Variants in GALNT13 observed in about 807,000 individuals in gnomAD.
GALNT13 encodes polypeptide N-acetylgalactosaminyltransferase 13.
GALNT13 carries 28 observed loss-of-function variants against 64.2 expected under a neutral mutation model. The ratio of observed to expected loss-of-function variants is 0.44; its 90% CI spans 0.32 to 0.60. The LOEUF is 0.60. Among genes scored for constraint, GALNT13 ranks in the 20% least tolerant of loss-of-function variants. GALNT13 has a pLI of 0.05. For synonymous variants in GALNT13, 214 were observed against 224.6 expected (o/e 0.95, Z 0.42); for missense variants, 577 against 669.8 (o/e 0.86, Z 1.53).
chr2:154,238,779 A>T (rs10189616), intron 4 of GALNT13, among the ~76,000 whole-genome samples: 316 of 152,124 alleles, frequency 2.1e-3, no homozygotes, highest in Middle Eastern at 0.017. Flanking sequence ...ATACACATAA[A>T]CATTGTGAAA....
chr2:154,068,527 C>A (rs1227777382), intron 3 of GALNT13, among the ~76,000 whole-genome samples: 2 of 144,434 alleles, frequency 1.4e-5, no homozygotes, highest in Non-Finnish European at 3.2e-5. Flanking sequence ...GAGTAATATT[C>A]ATCCATAAAA....
At chr2:154,290,709 A>G (rs1014609679) in intron 8 of GALNT13, among the ~76,000 whole-genome samples, 1 of 152,192 alleles carries the variant, frequency 6.6e-6, no homozygotes, top group African/African-American at 2.4e-5. Context: ...ACTGACTTCA[A>G]AAATGAAGCT....
At chr2:154,409,179 T>G (rs1221911674) in intron 11 of GALNT13, 97 bp downstream of exon 11, 1 of 790,750 alleles carries the variant, frequency 1.3e-6, no homozygotes, top group African/African-American at 1.7e-5. Flanking sequence ...AACTATAAAC[T>G]GAGCTTAATA....
chr2:153,764,282 A>C, the GALNT13 span, among the ~76,000 whole-genome samples: 1 of 152,180 alleles, frequency 6.6e-6, no homozygotes, highest in African/African-American at 2.4e-5. Flanking sequence ...CACACCTGTA[A>C]TCCCAGCACT....
intron 3 of GALNT13, among the ~76,000 whole-genome samples, chr2:154,080,477 T>A (rs763878912): frequency 6.6e-6 from 1 of 151,628 alleles, no homozygotes; most frequent in Admixed American, 6.6e-5. Context: ...TCTGTAAATA[T>A]GATTAAATTC....
At chr2:154,405,096 A>G (rs1253495062) in intron 10 of GALNT13, among the ~76,000 whole-genome samples, 2 of 152,172 alleles carry the variant, frequency 1.3e-5, no homozygotes, top group Non-Finnish European at 2.9e-5. Flanking sequence ...CTCATAAGAC[A>G]GAGGAAAAGT....
the GALNT13 span, among the ~76,000 whole-genome samples, chr2:153,120,314 C>T: frequency 6.6e-6 from 1 of 152,178 alleles, no homozygotes; most frequent in South Asian, 2.1e-4. Context: ...AAGTCTTCCC[C>T]TCAAATATGC....
the GALNT13 span, among the ~76,000 whole-genome samples, chr2:153,635,021 A>G: frequency 6.6e-6 from 1 of 152,122 alleles, no homozygotes; most frequent in African/African-American, 2.4e-5. Context: ...AAGCAGAGTG[A>G]TTTTAGAAAG....
At chr2:153,813,239 G>C in the GALNT13 span, among the ~76,000 whole-genome samples, 1 of 152,300 alleles carries the variant, frequency 6.6e-6, no homozygotes, top group African/African-American at 2.4e-5. Flanking sequence ...GTTTGGGGAA[G>C]AGTGAACGAG....
chr2:153,125,360 A>G, the GALNT13 span, among the ~76,000 whole-genome samples: 1 of 136,278 alleles, frequency 7.3e-6, no homozygotes, highest in Admixed American at 7.6e-5. Flanking sequence ...AGTAACCATT[A>G]CTGAACTGAT....
chr2:153,627,893 C>A, the GALNT13 span, among the ~76,000 whole-genome samples: 3 of 152,008 alleles, frequency 2.0e-5, no homozygotes, highest in Non-Finnish European at 4.4e-5. Flanking sequence ...TGAAGAAGGT[C>A]ATTGGTAGCT....
chr2:153,164,132 C>A, the GALNT13 span, among the ~76,000 whole-genome samples: 1 of 151,196 alleles, frequency 6.6e-6, no homozygotes, highest in African/African-American at 2.4e-5. Context: ...AGTTTTATTT[C>A]TTATTTATTT....
intron 12 of GALNT13, among the ~76,000 whole-genome samples, chr2:154,444,638 A>T (rs560401069): frequency 1.3e-5 from 2 of 152,206 alleles, no homozygotes; most frequent in Admixed American, 6.6e-5. Flanking sequence ...TTGACCTTGC[A>T]ATTTCACTTC....
At chr2:153,533,107 C>T in the GALNT13 span, among the ~76,000 whole-genome samples, 1 of 152,076 alleles carries the variant, frequency 6.6e-6, no homozygotes, top group East Asian at 1.9e-4. Context: ...ATTTTTGTTA[C>T]TCCAAAGGTA....
intron 1 of GALNT13, among the ~76,000 whole-genome samples, chr2:153,875,423 C>T (rs1553449336): frequency 3.3e-5 from 5 of 152,016 alleles, no homozygotes; most frequent in Non-Finnish European, 7.4e-5. Flanking sequence ...GTTTGAGAGA[C>T]CTTCTATTTG....
the GALNT13 span, among the ~76,000 whole-genome samples, chr2:153,622,960 G>T: frequency 6.6e-6 from 1 of 152,116 alleles, no homozygotes; most frequent in Admixed American, 6.6e-5. Context: ...GTTGAAAATA[G>T]AAGAGCTTAG....
chr2:153,124,500 T>TTTTG, the GALNT13 span, among the ~76,000 whole-genome samples: 2,130 of 152,122 alleles, frequency 0.014, 13 homozygotes, highest in Middle Eastern at 0.034. Context: ...GCTCGCTTTG[T>TTTTG]TTTGTTTGTT....
the GALNT13 span, among the ~76,000 whole-genome samples, chr2:153,359,344 T>TA: frequency 7.2e-5 from 11 of 152,334 alleles, no homozygotes; most frequent in African/African-American, 2.4e-4. Context: ...ATTCATATAC[T>TA]AAGCAACACC....
chr2:153,618,860 A>C, the GALNT13 span, among the ~76,000 whole-genome samples: 1 of 151,752 alleles, frequency 6.6e-6, no homozygotes, highest in South Asian at 2.1e-4. Flanking sequence ...TTGGGTTTCA[A>C]TTGGCATGGA....
Sources: allele counts gnomAD v4.1 joint callset (sites outside exome capture counted in the v4.1 genomes callset), GRCh38; gene constraint gnomAD v4.1.1; transcripts MANE v1.5; gene names NCBI Gene and HGNC (gene_info 2026-07-23, HGNC 2026-07-21).